Variants in PTPRD observed in about 807,000 individuals in gnomAD.
The protein encoded by PTPRD is receptor-type tyrosine-protein phosphatase delta.
Under a neutral mutation model 214.5 loss-of-function variants are expected in PTPRD, and 34 were observed. That is an observed-to-expected ratio of 0.16 (90% confidence interval 0.12 to 0.21). PTPRD has a LOEUF of 0.21. Among genes scored for constraint, PTPRD ranks in the 10% least tolerant of loss-of-function variants. The probability of loss-of-function intolerance (pLI) is 1.00; values close to 1 mark genes in which losing one functional copy is unlikely to be tolerated. For synonymous variants in PTPRD, 1,128 were observed against 845.7 expected, an observed-to-expected ratio of 1.33 and a Z score of -5.79; for missense variants, 2,545 against 2,398.7, an observed-to-expected ratio of 1.06 and a Z score of -1.27.
At chr9:8,633,884 C>T (rs1391298838) in intron 13 of PTPRD, among the ~76,000 whole-genome samples, 2 of 151,960 alleles carry the variant, frequency 1.3e-5, no homozygotes, top group African/African-American at 4.8e-5. Context: ...TTAATGCATG[C>T]CACCACAGAT....
Position 9,389,898 on chromosome 9 carries a change from C to G in PTPRD, c.-203+7551G>C, listed in dbSNP as rs929666028. Among the ~76,000 whole-genome samples the G allele has an allele frequency of 5.3e-5, 8 of 152,028 alleles. No individual in the cohort carries two copies. In the East Asian group the frequency reaches 9.6e-4, roughly 18 times the overall value. On this transcript the variant is annotated intron_variant, in intron 9 of 45. Coordinates refer to ENST00000381196, the MANE Select transcript of PTPRD (RefSeq NM_002839.4). ...ATGGCTTCCCTAGTTTCTATAGATT[C>G]TAGTATTAAAGGCTGGACAAATAAA...
At chr9:9,393,568 C>A (rs1295525102) in intron 9 of PTPRD, among the ~76,000 whole-genome samples, 1 of 152,170 alleles carries the variant, frequency 6.6e-6, no homozygotes, top group Non-Finnish European at 1.5e-5. Flanking sequence ...AGTCAATCCA[C>A]TCTCAGCATC....
At chr9:9,481,225 T>G (rs1432759292) in intron 8 of PTPRD, among the ~76,000 whole-genome samples, 1 of 152,068 alleles carries the variant, frequency 6.6e-6, no homozygotes, top group African/African-American at 2.4e-5. Context: ...TATTACCTAG[T>G]AAAAAAATCA....
chr9:10,441,532 A>G lies in PTPRD; in HGVS notation c.-599-100515T>C, dbSNP rs111370510. Among the ~76,000 whole-genome samples the G allele has an allele frequency of 7.0e-3, 1,056 of 150,726 alleles. 10 individuals carry two copies. Among genetic ancestry groups the G allele is most frequent in the African/African-American group, 0.025 (1,009 of 40,870 alleles). On this transcript the variant is annotated intron_variant, in intron 2 of 45. Transcript: ENST00000381196. The stretch of plus-strand genomic sequence containing the variant: ...TCACCATTTCTGTAAAAACTTTCCA[A>G]TTGCTTCCAATAAAGTATTTTTTTT...
intron 5 of PTPRD, among the ~76,000 whole-genome samples, chr9:9,904,878 G>A (rs2077193273): frequency 6.6e-6 from 1 of 152,026 alleles, no homozygotes; most frequent in African/African-American, 2.4e-5. Context: ...GTGAAATAAC[G>A]AAGTGGGGAT....
At chr9:9,390,264 G>T (rs556933830) in intron 9 of PTPRD, among the ~76,000 whole-genome samples, 14 of 152,286 alleles carry the variant, frequency 9.2e-5, no homozygotes, top group African/African-American at 3.4e-4. Flanking sequence ...GAAGGCCATT[G>T]TAAGGACTTG....
chr9:10,287,251 T>C (rs1301831528), intron 3 of PTPRD, among the ~76,000 whole-genome samples: 5 of 152,282 alleles, frequency 3.3e-5, no homozygotes, highest in African/African-American at 1.2e-4. Flanking sequence ...TGTGATACTT[T>C]TAGATAAAGA....
chr9:9,076,150 T>A (rs2099750814), intron 10 of PTPRD, among the ~76,000 whole-genome samples: 1 of 152,222 alleles, frequency 6.6e-6, no homozygotes, highest in Non-Finnish European at 1.5e-5. Flanking sequence ...TTTGAATTTC[T>A]CTGATGTCCA....
At chr9:9,898,622 C>T (rs1191352153) in intron 5 of PTPRD, among the ~76,000 whole-genome samples, 1 of 152,022 alleles carries the variant, frequency 6.6e-6, no homozygotes, top group African/African-American at 2.4e-5. Context: ...TGTGTGGTTG[C>T]TGCACTGAAG....
intron 9 of PTPRD, among the ~76,000 whole-genome samples, chr9:9,187,993 G>T (rs1026641672): frequency 6.6e-6 from 1 of 151,856 alleles, no homozygotes; most frequent in African/African-American, 2.4e-5. Flanking sequence ...ATAAACATCA[G>T]GGTAAACACC....
At chr9:8,382,493 C>T (rs1166988984) in intron 37 of PTPRD, among the ~76,000 whole-genome samples, 1 of 152,086 alleles carries the variant, frequency 6.6e-6, no homozygotes, top group African/African-American at 2.4e-5. Flanking sequence ...ATGCTTTGAG[C>T]CAGAATCTGT....
intron 11 of PTPRD, among the ~76,000 whole-genome samples, chr9:8,744,665 T>G (rs966322287): frequency 6.6e-6 from 1 of 152,150 alleles, no homozygotes; most frequent in Non-Finnish European, 1.5e-5. Context: ...GGCAGCAGGG[T>G]GAGGGATAAA....
In PTPRD at chr9:10,385,634, G is replaced by C. The variant is rs190841973; in HGVS notation, c.-599-44617C>G. Among the ~76,000 whole-genome samples the C allele has an allele frequency of 5.9e-4, 90 of 151,800 alleles. 1 individual carries two copies. Among genetic ancestry groups the C allele is most frequent in the African/African-American group, 2.0e-3 (81 of 41,482 alleles). ...TGACTTCCACTTAACAGCTGTGTGG[G>C]CTTGAGCAAATTAATCTCTTTCAGC... On this transcript the variant is annotated intron_variant, in intron 2 of 45. Transcript: ENST00000381196.
chr9:9,282,517 T>C (rs990028112), intron 9 of PTPRD, among the ~76,000 whole-genome samples: 2 of 151,424 alleles, frequency 1.3e-5, no homozygotes, highest in African/African-American at 4.8e-5. Flanking sequence ...TCTGCTCTTG[T>C]TTATGTGAGT....
chr9:9,685,161 A>T (rs2097145395), intron 7 of PTPRD, among the ~76,000 whole-genome samples: 1 of 151,376 alleles, frequency 6.6e-6, no homozygotes, highest in Non-Finnish European at 1.5e-5. Context: ...CCATCCCTTC[A>T]ACTTAGAAGA....
chr9:8,318,020 T>G (rs1407814346), intron 45 of PTPRD, 78 bp from the exon 46 acceptor site: 1 of 1,310,762 alleles, frequency 7.6e-7, no homozygotes, highest in Non-Finnish European at 1.1e-6. Context: ...AAATCAATAT[T>G]GCATAACAAA....
intron 3 of PTPRD, among the ~76,000 whole-genome samples, chr9:10,034,937 T>C (rs567164466): frequency 2.2e-4 from 34 of 152,282 alleles, no homozygotes; most frequent in African/African-American, 8.2e-4. Flanking sequence ...CCTTTGAGTA[T>C]ATGGTAATAG....
intron 7 of PTPRD, among the ~76,000 whole-genome samples, chr9:9,734,294 G>T (rs748947498): frequency 6.6e-6 from 1 of 152,016 alleles, no homozygotes; most frequent in East Asian, 1.9e-4. Flanking sequence ...CCTCTGTTTG[G>T]AATGTTCTTC....
intron 7 of PTPRD, among the ~76,000 whole-genome samples, chr9:9,643,671 A>G (rs1476101521): frequency 6.6e-6 from 1 of 152,178 alleles, no homozygotes; most frequent in Non-Finnish European, 1.5e-5. Flanking sequence ...TCTAAATTAA[A>G]AAGCTTGAAA....
Sources: allele counts gnomAD v4.1 joint callset (sites outside exome capture counted in the v4.1 genomes callset), GRCh38; gene constraint gnomAD v4.1.1; transcripts MANE v1.5; gene names NCBI Gene and HGNC (gene_info 2026-07-23, HGNC 2026-07-21).